The following EFNA5 variants were observed in gnomAD, a reference collection of about 807,000 sequenced individuals.
EFNA5 encodes ephrin A5, also known as ephrin-A5.
Under a neutral mutation model 22.9 loss-of-function variants are expected in EFNA5, and 5 were observed. That is an observed-to-expected ratio of 0.22 (90% CI 0.11 to 0.46). EFNA5 has a LOEUF of 0.46. Ranked by LOEUF, EFNA5 falls within the 20% of genes least tolerant of loss-of-function variation. EFNA5 has a pLI of 0.99. For synonymous variants in EFNA5, 113 were observed against 112.2 expected (o/e 1.01, Z -0.04); for missense variants, 237 against 293.3 (o/e 0.81, Z 1.40).
chr5:107,629,941 C>G (rs891091953), intron 1 of EFNA5, among the ~76,000 whole-genome samples: 3 of 151,754 alleles, frequency 2.0e-5, no homozygotes, highest in Non-Finnish European at 4.4e-5. Flanking sequence ...CTGTAATCCC[C>G]GCTACCAGGG....
chr5:107,670,305 G>A (rs1686578219), intron 1 of EFNA5, among the ~76,000 whole-genome samples, 184 bp downstream of exon 1: 1 of 152,150 alleles, frequency 6.6e-6, no homozygotes, highest in South Asian at 2.1e-4. Context: ...TTCCGCGGCG[G>A]CTTAACAAAG....
intron 1 of EFNA5, among the ~76,000 whole-genome samples, chr5:107,522,292 A>G (rs868677063): frequency 7.2e-5 from 11 of 152,190 alleles, no homozygotes; most frequent in Middle Eastern, 3.2e-3. Context: ...GATACAAGGA[A>G]ATGTGAAGAC....
chr5:107,515,362 T>TTTATTA (rs70996961), intron 1 of EFNA5, among the ~76,000 whole-genome samples: 6,845 of 141,260 alleles, frequency 0.048, 225 homozygotes, highest in South Asian at 0.19. Context: ...TATTTTTTAT[T>TTTATTA]TTATTATTAT....
At chr5:107,439,569 A>T (rs1194178539) in intron 1 of EFNA5, among the ~76,000 whole-genome samples, 2 of 152,330 alleles carry the variant, frequency 1.3e-5, no homozygotes, top group African/African-American at 4.8e-5. Context: ...TGGCAGACTT[A>T]TGCCACTACC....
At chr5:107,569,367 G>GTGTA (rs1554066994) in intron 1 of EFNA5, among the ~76,000 whole-genome samples, 6 of 127,868 alleles carry the variant, frequency 4.7e-5, no homozygotes, top group African/African-American at 2.2e-4. Context: ...ATATATACGT[G>GTGTA]TATATATATA....
chr5:107,490,640 T>C (rs1746778829), intron 1 of EFNA5, among the ~76,000 whole-genome samples: 1 of 152,198 alleles, frequency 6.6e-6, no homozygotes, highest in African/African-American at 2.4e-5. Context: ...TTATCCAACA[T>C]GAGAGTTCCT....
At chr5:107,505,009 T>C (rs1163489104) in intron 1 of EFNA5, among the ~76,000 whole-genome samples, 2 of 152,194 alleles carry the variant, frequency 1.3e-5, no homozygotes, top group South Asian at 2.1e-4. Flanking sequence ...TTTTTCCGTA[T>C]CTTTAATGCA....
intron 1 of EFNA5, among the ~76,000 whole-genome samples, chr5:107,564,799 A>G (rs1265890045): frequency 1.3e-5 from 2 of 152,140 alleles, no homozygotes; most frequent in Non-Finnish European, 2.9e-5. Flanking sequence ...AATGTCAAAC[A>G]TTAAATTATA....
chr5:107,650,163 A>G (rs971850883), intron 1 of EFNA5, among the ~76,000 whole-genome samples: 2 of 152,224 alleles, frequency 1.3e-5, no homozygotes, highest in Non-Finnish European at 2.9e-5. Flanking sequence ...TGGGGTAACA[A>G]CTTCCACTGC....
intron 1 of EFNA5, among the ~76,000 whole-genome samples, chr5:107,622,748 G>A (rs903025340): frequency 9.2e-5 from 14 of 152,048 alleles, no homozygotes; most frequent in African/African-American, 2.4e-4. Context: ...TCGGCCGGGC[G>A]CGGTGGCTCA....
At chr5:107,583,142 C>A (rs1442653245) in intron 1 of EFNA5, among the ~76,000 whole-genome samples, 2 of 152,094 alleles carry the variant, frequency 1.3e-5, no homozygotes, top group Non-Finnish European at 2.9e-5. Flanking sequence ...ATCCAAGGAT[C>A]TCATAACTAA....
chr5:107,647,181 A>G (rs1480013652), intron 1 of EFNA5, among the ~76,000 whole-genome samples: 2 of 152,164 alleles, frequency 1.3e-5, no homozygotes, highest in East Asian at 1.9e-4. Flanking sequence ...TTTATTTTGC[A>G]TCTTAACAAA....
Position 107,376,990 on chromosome 5 carries a change from T to TC in EFNA5, c.*4264_*4265insG, listed in dbSNP as rs1022921508. The TC allele has an allele frequency of 2.7e-5, 4 of 148,034 alleles. No individual in the cohort carries two copies. The highest frequency in any genetic ancestry group is 1.0e-4 in the African/African-American group (4 of 39,254). 9.2% of individuals were successfully genotyped at this position (148,034 alleles called of 1,614,324 possible). A position where few individuals can be genotyped will look rare whatever the true frequency, so the allele number is the denominator to read the frequency against. ...CGTATGGGTTTGTTTGTGTGTGGGT[T>TC]TTTTTTTTTTACATTTTCTTTTACG... On this transcript the variant is annotated 3_prime_UTR_variant, in exon 5 of 5. Transcript: ENST00000333274.
chr5:107,474,151 T>C (rs27929), intron 1 of EFNA5, among the ~76,000 whole-genome samples: 22,777 of 152,082 alleles, frequency 0.15, 2,889 homozygotes, highest in East Asian at 0.34. Context: ...ATAAAGTACA[T>C]GTTTCTACCT....
intron 1 of EFNA5, among the ~76,000 whole-genome samples, chr5:107,513,106 C>T (rs537800118): frequency 2.0e-5 from 3 of 152,280 alleles, no homozygotes; most frequent in East Asian, 1.9e-4. Context: ...TTTGTGCTTC[C>T]CTGGCTGCCT....
chr5:107,585,371 T>G lies in EFNA5; in HGVS notation c.125+85118A>C, dbSNP rs1393360401. Among the ~76,000 whole-genome samples, 4 of 152,296 alleles carry G rather than the reference T, an allele frequency of 2.6e-5. No individual in the cohort carries two copies. The East Asian group carries it at 7.7e-4, about 29-fold the overall frequency. On this transcript the variant is annotated intron_variant, in intron 1 of 4. Transcript: ENST00000333274. Reference sequence around the variant, plus strand: ...AGGAGTTTTTCCTTATACCCTAAATTTCTTTCCATTTCTGATGGCAGCAAC... The same window carrying G: ...AGGAGTTTTTCCTTATACCCTAAATGTCTTTCCATTTCTGATGGCAGCAAC...
In EFNA5 at chr5:107,670,656, G is replaced by T. The variant is rs778726581; in HGVS notation, c.-43C>A. The T allele has an allele frequency of 1.3e-6, 2 of 1,586,234 alleles. No individual in the cohort carries two copies. The highest frequency in any genetic ancestry group is 2.3e-5 in the South Asian group (2 of 86,232). ...GGAGCCCCCGACGCGCCACTCCGGG[G>T]AGAGAGCGGGGATCCGGAGGGAGGG... On this transcript the variant is annotated 5_prime_UTR_variant, in exon 1 of 5. Transcript: ENST00000333274.
At chr5:107,433,494 A>G (rs1489770731) in intron 1 of EFNA5, among the ~76,000 whole-genome samples, 1 of 152,202 alleles carries the variant, frequency 6.6e-6, no homozygotes, top group Admixed American at 6.5e-5. Context: ...CTGGGATTAG[A>G]GCTGAAAAAG....
At position 107,452,801 on chromosome 5, in the gene EFNA5, T is replaced by C. The variant is rs545865300; in HGVS notation, c.126-25292A>G. On this transcript the variant is annotated intron_variant, in intron 1 of 4. Coordinates refer to ENST00000333274, the MANE Select transcript of EFNA5 (RefSeq NM_001962.3). Reference sequence around the variant, plus strand: ...ATGTTTTAAACCTTTAAAGAGTCATTTTCTACTTGAGCTTCTGGTTATTAC... The same window carrying C: ...ATGTTTTAAACCTTTAAAGAGTCATCTTCTACTTGAGCTTCTGGTTATTAC... Among the ~76,000 whole-genome samples the C allele has an allele frequency of 5.9e-5, 9 of 152,304 alleles. No individual in the cohort carries two copies. The South Asian group carries it at 1.7e-3, about 28-fold the overall frequency.
Sources: allele counts gnomAD v4.1 joint callset (sites outside exome capture counted in the v4.1 genomes callset), GRCh38; gene constraint gnomAD v4.1.1; transcripts MANE v1.5; gene names NCBI Gene and HGNC (gene_info 2026-07-23, HGNC 2026-07-21).